The following FGFR4 variants were observed in gnomAD, a reference collection of about 807,000 sequenced individuals.
FGFR4 encodes hydroxyaryl-protein kinase.
FGFR4 carries 63 observed loss-of-function variants against 89.9 expected under a neutral mutation model. The ratio of observed to expected loss-of-function variants is 0.70; its 90% CI spans 0.57 to 0.86. FGFR4 has a LOEUF of 0.86. FGFR4 is among the 40% of genes least tolerant of loss of function. FGFR4 has a pLI of 0.00. For missense variants in FGFR4, 928 were observed against 1,106.7 expected (o/e 0.84, Z 2.29); for synonymous variants, 486 against 479.4 (o/e 1.01, Z -0.18).
In FGFR4 at chr5:177,090,528, G is replaced by A. The variant is rs781045610; in HGVS notation, c.230G>A (p.Gly77Asp). Reference sequence around the variant, plus strand: ...GAGGGCAGTCGCCTGGCACCTGCTGGCCGTGTACGGGGCTGGAGGGGCCGC... The same window carrying A: ...GAGGGCAGTCGCCTGGCACCTGCTGACCGTGTACGGGGCTGGAGGGGCCGC... ...YKEGSRLAPA[G>D]RVRGWRGRLE... The change falls in exon 3 of 18, where the codon GGC becomes GAC. Residue 77 changes from glycine to aspartate, a missense_variant. Transcript: ENST00000292408. 1 of 1,557,922 alleles carries A rather than the reference G, an allele frequency of 6.4e-7. No individual in the cohort carries two copies. The highest frequency in any genetic ancestry group is 8.7e-7 in the Non-Finnish European group (1 of 1,151,858).
chr5:177,093,521 TC>T lies in FGFR4; in HGVS notation c.1368del (p.Asp457ThrfsTer17). 1 of 1,613,864 alleles carries T rather than the reference TC, an allele frequency of 6.2e-7. No individual in the cohort carries two copies. The highest frequency in any genetic ancestry group is 8.5e-7 in the Non-Finnish European group (1 of 1,180,000). On this transcript the variant is annotated frameshift_variant, in exon 10 of 18. Transcript: ENST00000292408. LOFTEE classifies it high-confidence loss of function. This position sits in a 1 kb window ranked among gnomAD's most constrained non-coding sequence, Gnocchi z 5.8. ...GGCCTCGTGAGTCTAGATCTACCTC[TC>T]GACCCACTATGGGAGTTCCCCCGGG... ...LAGLVSLDLP[L>X]DPLWEFPRDR...
At chr5:177,091,127 C>T (rs748583503) in intron 5 of FGFR4, 23 bp downstream of exon 5, 17 of 1,524,994 alleles carry the variant, frequency 1.1e-5, no homozygotes, top group Admixed American at 2.0e-5. Flanking sequence ...GTTCCAAGAC[C>T]GTCTGCTCCC....
rs763121342 is a variant in FGFR4, at chr5:177,095,355, C to T, written c.1545C>T (p.Ala515=). The change falls in exon 12 of 18, where the codon GCC becomes GCT. Residue 515 remains alanine (A), a synonymous_variant. Transcript: ENST00000292408. The surrounding 1 kb of genome is among the most constrained non-coding windows in gnomAD (Gnocchi z 5.7). The part of the protein sequence containing the change: ...LKDNASDKDL[A]DLVSEMEVMK... ...ACAACGCCTCTGACAAGGACCTGGC[C>T]GACCTGGTCTCGGAGATGGAGGTGA... 6.2e-6 allele frequency: 10 copies of T among 1,614,178 alleles called. No individual in the cohort carries two copies. Among genetic ancestry groups the T allele is most frequent in the East Asian group, 4.5e-5 (2 of 44,886 alleles).
intron 16 of FGFR4, among the ~76,000 whole-genome samples, 161 bp downstream of exon 16, chr5:177,096,902 CTCTTCCTCCTCCTCT>C (rs1784597135): frequency 2.7e-5 from 3 of 112,228 alleles, no homozygotes; most frequent in African/African-American, 3.7e-5. Flanking sequence ...CCTCCTCCTC[CTCTTCCTCCTCCTCT>C]TCCTCCTCCT....
intron 16 of FGFR4, among the ~76,000 whole-genome samples, 167 bp downstream of exon 16, chr5:177,096,908 C>T: frequency 7.2e-6 from 1 of 139,628 alleles, no homozygotes; most frequent in African/African-American, 2.6e-5. Flanking sequence ...CCTCCTCTTC[C>T]TCCTCCTCTT....
rs1176823551 is a variant in FGFR4 at position 177,096,377 on chromosome 5, A to T, written c.2015+20A>T. 4.3e-6 allele frequency: 7 copies of T among 1,613,514 alleles called. No homozygotes were observed. The highest frequency in any genetic ancestry group is 5.9e-6 in the Non-Finnish European group (7 of 1,179,790). On this transcript the variant is annotated intron_variant, in intron 15 of 17. Transcript: ENST00000292408. Reference sequence around the variant, plus strand: ...TGACGTGTGAGTCCTGCCGGCGGTCACTGTCCTACCCCACAAAAAGGGCAA... The same window carrying T: ...TGACGTGTGAGTCCTGCCGGCGGTCTCTGTCCTACCCCACAAAAAGGGCAA...
Position 177,090,603 on chromosome 5 carries a change from T to G in FGFR4, c.305T>G (p.Leu102Arg). Reference protein sequence around the residue: ...LPEDAGRYLCLARGSMIVLQN... With the variant: ...LPEDAGRYLCRARGSMIVLQN... ...GAGGATGCTGGCCGCTACCTCTGCC[T>G]GGCACGAGGCTCCATGATCGTCCTG... is the stretch of plus-strand genomic sequence containing the variant. The change falls in exon 3 of 18, where the codon CTG (leucine) becomes CGG (arginine). Residue 102 changes from leucine (L) to arginine (R), a missense_variant. Leu to Arg is a moderately radical substitution (Grantham distance 102, BLOSUM62 -2). This residue lies in a region of FGFR4 where 741 missense variants were observed against 836.9 expected (regional missense o/e 0.89). Coordinates refer to ENST00000292408, the MANE Select transcript of FGFR4 (RefSeq NM_213647.3). 1 of 1,523,072 alleles carries G rather than the reference T, an allele frequency of 6.6e-7. No individual in the cohort carries two copies. Among genetic ancestry groups the G allele is most frequent in the Non-Finnish European group, 8.8e-7 (1 of 1,137,236 alleles). 94.3% of individuals were successfully genotyped at this position (1,523,072 alleles called of 1,614,324 possible). A position where few individuals can be genotyped will look rare whatever the true frequency, so the allele number is the denominator to read the frequency against.
intron 5 of FGFR4, 147 bp downstream of exon 5, chr5:177,091,251 A>G: frequency 1.0e-6 from 1 of 1,004,990 alleles, no homozygotes; most frequent in Non-Finnish European, 1.4e-6. Context: ...GGACCTGGGC[A>G]GCTCTGGTTC....
chr5:177,089,639 A>G lies in FGFR4; in HGVS notation c.37A>G (p.Ser13Gly), dbSNP rs746965870. 60 of 1,613,598 alleles carry G rather than the reference A, an allele frequency of 3.7e-5. No homozygotes were observed. Among genetic ancestry groups the G allele is most frequent in the Non-Finnish European group, 4.9e-5 (58 of 1,179,922 alleles). The change falls in exon 2 of 18, where the codon AGT (serine) becomes GGT (glycine). Residue 13 changes from serine (S) to glycine (G), a missense_variant. Coordinates refer to ENST00000292408, the MANE Select transcript of FGFR4 (RefSeq NM_213647.3). ...LLLALLGVLL[S>G]VPGPPVLSLE... ...GCTGGCCCTGTTGGGGGTCCTGCTG[A>G]GTGTGCCTGGGCCTCCAGTCTTGTC...
At chr5:177,096,535 G>A in intron 15 of FGFR4, 69 bp from the exon 16 acceptor site, 1 of 1,587,310 alleles carries the variant, frequency 6.3e-7, no homozygotes, top group Non-Finnish European at 8.6e-7. Context: ...CATGTCTGTG[G>A]GGTCCCCCGT....
chr5:177,090,244 T>A (rs1784309246), intron 2 of FGFR4, 146 bp from the exon 3 acceptor site: 1 of 1,145,754 alleles, frequency 8.7e-7, no homozygotes, highest in Admixed American at 1.9e-5. Context: ...CCGCAGCATG[T>A]GGCTGTGTGG....
Position 177,095,124 on chromosome 5 carries a change from G to A in FGFR4, c.1520-206G>A. 2 of 580,892 alleles carry A rather than the reference G, an allele frequency of 3.4e-6. No homozygotes were observed. The highest frequency in any genetic ancestry group is 1.9e-5 in the African/African-American group (1 of 53,678). The allele number at this position is 580,892 out of a possible 1,614,324, so 36.0% of individuals were successfully genotyped here. A position where few individuals can be genotyped will look rare whatever the true frequency, so the allele number is the denominator to read the frequency against. On this transcript the variant is annotated intron_variant, in intron 11 of 17. Transcript: ENST00000292408. This position sits in a 1 kb window ranked among gnomAD's most constrained non-coding sequence, Gnocchi z 5.7. ...ATCCTTGCAACTGCTGTGACAGGCA[G>A]GGTGTGACCCACTGCTCTGTTTCCC...
rs1330936519 is a variant in FGFR4, at chr5:177,095,868, C to T, written c.1821+145C>T. On this transcript the variant is annotated intron_variant, in intron 13 of 17. Coordinates refer to ENST00000292408, the MANE Select transcript of FGFR4 (RefSeq NM_213647.3). This position sits in a 1 kb window ranked among gnomAD's most constrained non-coding sequence, Gnocchi z 5.7. ...CCAGGCATTCACGCTTTCCTGCATT[C>T]CCCACTCGTTCCTCACCCTTCCCCA... 8.0e-6 allele frequency: 10 copies of T among 1,244,574 alleles called. No individual in the cohort carries two copies. The highest frequency in any genetic ancestry group is 2.6e-5 in the East Asian group (1 of 39,142). The allele number at this position is 1,244,574 out of a possible 1,614,324, so 77.1% of individuals were successfully genotyped here.
intron 14 of FGFR4, 42 bp downstream of exon 14, chr5:177,096,221 C>T: frequency 1.2e-6 from 2 of 1,612,978 alleles, no homozygotes; most frequent in African/African-American, 1.3e-5. Flanking sequence ...TGGAGGGGCA[C>T]TGGGCCCGGG....
Position 177,093,525 on chromosome 5 carries a change from C to A in FGFR4, c.1371C>A (p.Asp457Glu). ...AGLVSLDLPL[D>E]PLWEFPRDRL... ...TCGTGAGTCTAGATCTACCTCTCGA[C>A]CCACTATGGGAGTTCCCCCGGGACA... The change falls in exon 10 of 18, where the codon GAC becomes GAA. Residue 457 changes from aspartate to glutamate, a missense_variant. This residue lies in a region of FGFR4 where 741 missense variants were observed against 836.9 expected (regional missense o/e 0.89). Transcript: ENST00000292408. The surrounding 1 kb of genome is among the most constrained non-coding windows in gnomAD (Gnocchi z 5.8). 1 of 1,613,884 alleles carries A rather than the reference C, an allele frequency of 6.2e-7. No homozygotes were observed. Among genetic ancestry groups the A allele is most frequent in the Non-Finnish European group, 8.5e-7 (1 of 1,179,998 alleles).
chr5:177,090,186 T>C (rs911951984), intron 2 of FGFR4: 29 of 722,816 alleles, frequency 4.0e-5, no homozygotes, highest in Non-Finnish European at 6.7e-5. Flanking sequence ...CTAAATGCTG[T>C]GTGTGTGACA....
chr5:177,092,550 T>C, intron 7 of FGFR4, 39 bp downstream of exon 7: 1 of 1,562,676 alleles, frequency 6.4e-7, no homozygotes, highest in South Asian at 1.2e-5. Context: ...GCCCCATTCT[T>C]CTCCCACCTT....
chr5:177,096,474 G>A lies in FGFR4; in HGVS notation c.2015+117G>A, dbSNP rs1003854276. Reference sequence around the variant, plus strand: ...CTCCTTCAGATTTGGTCTGGGACCCGAGTGGGCCCAGACTCCAGGAGGAGC... The same window carrying A: ...CTCCTTCAGATTTGGTCTGGGACCCAAGTGGGCCCAGACTCCAGGAGGAGC... On this transcript the variant is annotated intron_variant, in intron 15 of 17. Transcript: ENST00000292408. 70 of 1,523,882 alleles carry A rather than the reference G, an allele frequency of 4.6e-5. 1 individual carries two copies. The African/African-American group carries it at 5.1e-4, about 11-fold the overall frequency. The allele number at this position is 1,523,882 out of a possible 1,614,324, so 94.4% of individuals were successfully genotyped here.
In FGFR4 at chr5:177,091,837, C is replaced by G. The variant is rs373098233; in HGVS notation, c.727+29C>G. The G allele has an allele frequency of 4.3e-6, 7 of 1,612,192 alleles. No homozygotes were observed. The South Asian group carries it at 7.7e-5, about 18-fold the overall frequency. On this transcript the variant is annotated intron_variant, in intron 6 of 17. Coordinates refer to ENST00000292408, the MANE Select transcript of FGFR4 (RefSeq NM_213647.3). ...AGCGCGGGGCTGGGAACAGGGGAGGCCTGACCCATTTTGGGCTCAGTTGTG... is the reference window on the plus strand; with the variant it reads ...AGCGCGGGGCTGGGAACAGGGGAGGGCTGACCCATTTTGGGCTCAGTTGTG...
Sources: gnomAD v4.1 joint callset for allele counts (sites outside exome capture counted in the v4.1 genomes callset) on GRCh38, gnomAD v4.1.1 for gene constraint, gnomAD v4.1.1 regional missense constraint, Gnocchi (gnomAD v3.1) non-coding constraint, MANE v1.5 for transcripts, NCBI Gene and HGNC (gene_info 2026-07-23, HGNC 2026-07-21) for gene names.